LRRTM4: variants seen among roughly 807,000 people sequenced by gnomAD.
The protein encoded by LRRTM4 is leucine rich repeat transmembrane neuronal 4.
In LRRTM4, 25 loss-of-function variants were observed where a neutral mutation model predicts 47.6. The observed-to-expected ratio is 0.53, with a 90% CI of 0.38 to 0.73. The LOEUF is 0.73. LRRTM4 is among the 30% of genes least tolerant of loss of function. LRRTM4 has a pLI of 0.00. For synonymous variants in LRRTM4, 311 were observed against 269.5 expected (o/e 1.15, Z -1.51); for missense variants, 638 against 713.4 (o/e 0.89, Z 1.20).
At chr2:77,164,771 C>A (rs1672832089) in intron 3 of LRRTM4, among the ~76,000 whole-genome samples, 1 of 152,080 alleles carries the variant, frequency 6.6e-6, no homozygotes, top group Non-Finnish European at 1.5e-5. Context: ...CCAGTGAGAA[C>A]AAAGACACAA....
intron 3 of LRRTM4, among the ~76,000 whole-genome samples, chr2:76,869,383 T>C (rs1216408503): frequency 1.3e-5 from 2 of 152,152 alleles, no homozygotes; most frequent in Admixed American, 1.3e-4. Flanking sequence ...CTTCTTTGTC[T>C]TTCAGATTGT....
intron 3 of LRRTM4, among the ~76,000 whole-genome samples, chr2:76,968,354 A>G (rs979187776): frequency 0.039 from 4,163 of 107,812 alleles, 241 homozygotes; most frequent in African/African-American, 0.14. Context: ...ATATATATAT[A>G]TATATATATA....
chr2:77,477,881 GAGAAAGAAAGAA>G (rs1323920429), intron 3 of LRRTM4, among the ~76,000 whole-genome samples: 1 of 97,846 alleles, frequency 1.0e-5, no homozygotes, highest in Admixed American at 1.2e-4. Context: ...AAGAAAGAAA[GAGAAAGAAAGAA>G]AAAGAAAGAA....
intron 3 of LRRTM4, among the ~76,000 whole-genome samples, chr2:76,767,603 T>C (rs772716416): frequency 5.3e-5 from 8 of 152,168 alleles, no homozygotes; most frequent in African/African-American, 1.4e-4. Flanking sequence ...ATCATCCAAG[T>C]GTGAATCACA....
chr2:77,299,577 C>T (rs1334689866), intron 3 of LRRTM4, among the ~76,000 whole-genome samples: 2 of 151,860 alleles, frequency 1.3e-5, no homozygotes, highest in East Asian at 3.9e-4. Context: ...AATTGTTTTC[C>T]TTTTGTATGG....
chr2:77,102,370 C>G (rs1263956866), intron 3 of LRRTM4, among the ~76,000 whole-genome samples: 1 of 152,130 alleles, frequency 6.6e-6, no homozygotes, highest in Admixed American at 6.6e-5. Flanking sequence ...CCACGTATTC[C>G]CACTTCGGCT....
intron 3 of LRRTM4, among the ~76,000 whole-genome samples, chr2:77,086,131 A>T (rs1050119299): frequency 6.6e-6 from 1 of 152,170 alleles, no homozygotes; most frequent in African/African-American, 2.4e-5. Flanking sequence ...AATAATTGAA[A>T]ATAATCATAG....
chr2:76,895,548 G>A (rs113345302), intron 3 of LRRTM4, among the ~76,000 whole-genome samples: 5 of 151,914 alleles, frequency 3.3e-5, no homozygotes, highest in South Asian at 4.1e-4. Context: ...GTGGCTTCTC[G>A]CAAAAGGAAA....
intron 3 of LRRTM4, among the ~76,000 whole-genome samples, chr2:77,093,595 A>C (rs1670718881): frequency 2.6e-5 from 4 of 151,692 alleles, no homozygotes; most frequent in South Asian, 2.1e-4. Context: ...CCATCCCCCC[A>C]AAAATTTTCG....
chr2:76,857,657 T>C (rs928060947), intron 3 of LRRTM4, among the ~76,000 whole-genome samples: 1 of 152,278 alleles, frequency 6.6e-6, no homozygotes, highest in Non-Finnish European at 1.5e-5. Flanking sequence ...CCTGCATAAT[T>C]GTTTATACTG....
At chr2:77,516,064 T>C (rs749872794) in intron 3 of LRRTM4, among the ~76,000 whole-genome samples, 72 of 151,802 alleles carry the variant, frequency 4.7e-4, no homozygotes, top group Non-Finnish European at 9.0e-4. Context: ...ACATATGATC[T>C]TAAATGTATA....
chr2:77,133,620 A>T (rs1338549259), intron 3 of LRRTM4, among the ~76,000 whole-genome samples: 2 of 150,930 alleles, frequency 1.3e-5, no homozygotes, highest in Non-Finnish European at 2.9e-5. Context: ...GCTTAAAAAA[A>T]TCAGCTGTGT....
chr2:77,325,129 A>G (rs6752339), intron 3 of LRRTM4, among the ~76,000 whole-genome samples: 8,219 of 152,208 alleles, frequency 0.054, 311 homozygotes, highest in African/African-American at 0.099. Context: ...ATACCACTCT[A>G]CATTCTTCAT....
At chr2:76,931,999 T>G (rs1036020736) in intron 3 of LRRTM4, among the ~76,000 whole-genome samples, 1 of 152,138 alleles carries the variant, frequency 6.6e-6, no homozygotes, top group African/African-American at 2.4e-5. Context: ...CCACAAGATA[T>G]TTGGCTCCAG....
chr2:76,923,820 A>T (rs77921372), intron 3 of LRRTM4, among the ~76,000 whole-genome samples: 7,948 of 152,158 alleles, frequency 0.052, 479 homozygotes, highest in East Asian at 0.13. Context: ...TTTCAGTGGT[A>T]ATTTGGGTGG....
intron 3 of LRRTM4, chr2:77,009,044 T>G (rs927312074): frequency 6.6e-6 from 1 of 152,048 alleles, no homozygotes; most frequent in African/African-American, 2.4e-5. Context: ...CCTGGAGTTT[T>G]ACAATCATTT....
chr2:76,993,814 T>C (rs566688399), intron 3 of LRRTM4, among the ~76,000 whole-genome samples: 8 of 152,112 alleles, frequency 5.3e-5, no homozygotes, highest in African/African-American at 7.2e-5. Context: ...TGTAAGTTTA[T>C]TGAAGCACCA....
chr2:77,389,360 G>A (rs554551253), intron 3 of LRRTM4, among the ~76,000 whole-genome samples: 1 of 152,008 alleles, frequency 6.6e-6, no homozygotes, highest in Non-Finnish European at 1.5e-5. Flanking sequence ...AAAAGGCACC[G>A]AAGTCTTTCT....
chr2:77,209,495 C>G (rs1436396696), intron 3 of LRRTM4, among the ~76,000 whole-genome samples: 1 of 151,632 alleles, frequency 6.6e-6, no homozygotes. Flanking sequence ...AATTGCAATT[C>G]TTGGTTGCAG....
Sources: allele counts gnomAD v4.1 joint callset (sites outside exome capture counted in the v4.1 genomes callset), GRCh38; gene constraint gnomAD v4.1.1; transcripts MANE v1.5; gene names NCBI Gene and HGNC (gene_info 2026-07-23, HGNC 2026-07-21).